Variants in CHST11 observed in about 807,000 individuals in gnomAD.
CHST11 encodes the protein carbohydrate sulfotransferase 11, also known as C4S-1.
CHST11 carries 9 observed loss-of-function variants against 30.4 expected under a neutral mutation model. That is an observed-to-expected ratio of 0.30 (90% CI 0.18 to 0.52). The LOEUF is 0.52. Among genes scored for constraint, CHST11 ranks in the 20% least tolerant of loss-of-function variants. The probability of loss-of-function intolerance (pLI) is 0.97; values close to 1 mark genes in which losing one functional copy is unlikely to be tolerated. For synonymous variants in CHST11, 152 were observed against 187.8 expected (o/e 0.81, Z 1.56); for missense variants, 348 against 460.6 (o/e 0.76, Z 2.24).
chr12:104,625,901 A>G (rs978131642), intron 2 of CHST11, among the ~76,000 whole-genome samples: 1 of 152,236 alleles, frequency 6.6e-6, no homozygotes, highest in African/African-American at 2.4e-5. Flanking sequence ...ACCATGAAGG[A>G]GGAATTTGTG....
intron 2 of CHST11, among the ~76,000 whole-genome samples, chr12:104,618,722 A>G (rs2039132510): frequency 6.6e-6 from 1 of 152,052 alleles, no homozygotes; most frequent in South Asian, 2.1e-4. Context: ...CAAATACATC[A>G]TTCCCCATTT....
At chr12:104,587,057 C>A (rs968953376) in intron 1 of CHST11, among the ~76,000 whole-genome samples, 4 of 152,180 alleles carry the variant, frequency 2.6e-5, no homozygotes, top group Admixed American at 2.0e-4. Flanking sequence ...GACACTCACA[C>A]CCTCCGCCCC....
chr12:104,533,708 G>A (rs2038207790), intron 1 of CHST11, among the ~76,000 whole-genome samples: 1 of 152,186 alleles, frequency 6.6e-6, no homozygotes, highest in Non-Finnish European at 1.5e-5. Flanking sequence ...AGTCTTAGAT[G>A]GTTCATGGAT....
At chr12:104,537,693 CTTT>C (rs3039113) in intron 1 of CHST11, among the ~76,000 whole-genome samples, 8 of 124,448 alleles carry the variant, frequency 6.4e-5, no homozygotes, top group East Asian at 2.4e-4. Flanking sequence ...TACCTCCCTG[CTTT>C]TTTTTTTTTT....
chr12:104,627,338 A>G (rs2039225982), intron 2 of CHST11, among the ~76,000 whole-genome samples: 1 of 151,992 alleles, frequency 6.6e-6, no homozygotes, highest in Non-Finnish European at 1.5e-5. Context: ...TAAGTTTTCA[A>G]CTCCTCTGAG....
chr12:104,592,779 G>T (rs988447232), intron 1 of CHST11, among the ~76,000 whole-genome samples: 1 of 152,172 alleles, frequency 6.6e-6, no homozygotes, highest in Non-Finnish European at 1.5e-5. Flanking sequence ...GCACTAACCT[G>T]TCAGGTTGAC....
chr12:104,486,014 A>G (rs559687942), intron 1 of CHST11, among the ~76,000 whole-genome samples: 17 of 152,176 alleles, frequency 1.1e-4, no homozygotes, highest in African/African-American at 3.4e-4. Flanking sequence ...ATGTGTGTGC[A>G]TGTGTGCACG....
At chr12:104,588,606 G>A (rs2038828153) in intron 1 of CHST11, among the ~76,000 whole-genome samples, 1 of 152,196 alleles carries the variant, frequency 6.6e-6, no homozygotes, top group South Asian at 2.1e-4. Flanking sequence ...CTCACAAACA[G>A]CTTTAAGACT....
chr12:104,523,039 T>C (rs2038088771), intron 1 of CHST11, among the ~76,000 whole-genome samples: 2 of 152,242 alleles, frequency 1.3e-5, no homozygotes, highest in Non-Finnish European at 2.9e-5. Context: ...AGAGAAGCTG[T>C]GATGCTTGAC....
chr12:104,469,783 C>T (rs1345755615), intron 1 of CHST11, among the ~76,000 whole-genome samples: 5 of 152,176 alleles, frequency 3.3e-5, no homozygotes, highest in African/African-American at 1.2e-4. Context: ...ACTCCATAAC[C>T]CTGATCTGGG....
intron 1 of CHST11, among the ~76,000 whole-genome samples, chr12:104,518,195 G>A (rs1037183356): frequency 8.5e-5 from 13 of 152,184 alleles, no homozygotes; most frequent in African/African-American, 3.1e-4. Context: ...GCTGAGGCGG[G>A]AGGATTGCTT....
chr12:104,683,139 G>A (rs1213621016), intron 2 of CHST11, among the ~76,000 whole-genome samples: 7 of 152,184 alleles, frequency 4.6e-5, no homozygotes, highest in African/African-American at 1.7e-4. Context: ...GAGTATGATT[G>A]GGCAGGGGGA....
intron 1 of CHST11, among the ~76,000 whole-genome samples, chr12:104,487,487 C>T (rs1423164140): frequency 6.6e-6 from 1 of 152,218 alleles, no homozygotes; most frequent in Non-Finnish European, 1.5e-5. Flanking sequence ...GTCTTGAATG[C>T]CTGAGCTCAA....
intron 2 of CHST11, among the ~76,000 whole-genome samples, chr12:104,619,673 G>T (rs930225330): frequency 2.0e-5 from 3 of 152,186 alleles, no homozygotes; most frequent in Non-Finnish European, 4.4e-5. Context: ...TGGAGTGGGG[G>T]CTGCTTATCT....
intron 2 of CHST11, among the ~76,000 whole-genome samples, chr12:104,611,317 T>C (rs962097382): frequency 2.0e-5 from 3 of 152,250 alleles, no homozygotes; most frequent in South Asian, 2.1e-4. Flanking sequence ...CACATCTCCA[T>C]TGGGACAGGC....
chr12:104,563,355 G>T (rs2038532553), intron 1 of CHST11, among the ~76,000 whole-genome samples: 3 of 152,128 alleles, frequency 2.0e-5, no homozygotes, highest in Admixed American at 2.0e-4. Context: ...AGCTGATGGT[G>T]TCTGCTGTGC....
intron 2 of CHST11, among the ~76,000 whole-genome samples, chr12:104,626,614 T>C (rs768957740): frequency 2.0e-5 from 3 of 151,224 alleles, no homozygotes; most frequent in Non-Finnish European, 2.9e-5. Context: ...CAAAATATAC[T>C]TGTGCATGTA....
Position 104,758,213 on chromosome 12 carries a change from A to T in CHST11, c.*410A>T, listed in dbSNP as rs1037001922. On this transcript the variant is annotated 3_prime_UTR_variant, in exon 3 of 3. Transcript: ENST00000303694. Reference sequence around the variant, plus strand: ...TGCTTGCTACAGCTCATTTGGGGGCATGAATGTTCTCCTTACTAACCTCTC... The same window carrying T: ...TGCTTGCTACAGCTCATTTGGGGGCTTGAATGTTCTCCTTACTAACCTCTC... The T allele has an allele frequency of 1.2e-5, 2 of 166,486 alleles. No homozygotes were observed. The highest frequency in any genetic ancestry group is 4.8e-5 in the African/African-American group (2 of 41,520). The allele number at this position is 166,486 out of a possible 1,614,324, so 10.3% of individuals were successfully genotyped here. A position where few individuals can be genotyped will look rare whatever the true frequency, so the allele number is the denominator to read the frequency against.
intron 1 of CHST11, among the ~76,000 whole-genome samples, chr12:104,542,281 G>T (rs1056532453): frequency 4.6e-5 from 7 of 152,208 alleles, no homozygotes; most frequent in African/African-American, 1.4e-4. Flanking sequence ...TGAAAGCAGG[G>T]ACTTGAATGG....
Sources: allele counts gnomAD v4.1 joint callset (sites outside exome capture counted in the v4.1 genomes callset), GRCh38; gene constraint gnomAD v4.1.1; transcripts MANE v1.5; gene names NCBI Gene and HGNC (gene_info 2026-07-23, HGNC 2026-07-21).